SFSWAP: variants seen among roughly 807,000 people sequenced by gnomAD.
The protein encoded by SFSWAP is splicing factor, suppressor of white-apricot homolog.
A neutral mutation model predicts 100.7 loss-of-function variants in SFSWAP; 17 were observed. That is an observed-to-expected ratio of 0.17 (90% confidence interval 0.12 to 0.25). The LOEUF is 0.25. Among genes scored for constraint, SFSWAP ranks in the 10% least tolerant of loss-of-function variants. SFSWAP has a pLI of 1.00. For synonymous variants in SFSWAP, 504 were observed against 510.1 expected, an observed-to-expected ratio of 0.99 and a Z score of 0.16; for missense variants, 1,005 against 1,262.6, an observed-to-expected ratio of 0.80 and a Z score of 3.09.
chr12:131,755,287 G>A (rs2136226291), intron 9 of SFSWAP, 99 bp from the exon 10 acceptor site: 1 of 809,662 alleles, frequency 1.2e-6, no homozygotes, highest in Admixed American at 2.1e-5. Context: ...CACCTTGTGG[G>A]ATTGTTGAGA....
chr12:131,742,621 CT>C (rs1328569770), intron 7 of SFSWAP, among the ~76,000 whole-genome samples: 1 of 148,052 alleles, frequency 6.8e-6, no homozygotes, highest in Non-Finnish European at 1.5e-5. Context: ...CAAGTCTTCT[CT>C]TGTTGGGGGA....
chr12:131,759,673 C>T (rs1245674641), intron 11 of SFSWAP, among the ~76,000 whole-genome samples: 2 of 151,778 alleles, frequency 1.3e-5, no homozygotes, highest in Non-Finnish European at 1.5e-5. Context: ...TGGTGGCGGG[C>T]GCCTGTAGTC....
At chr12:131,774,769 T>C (rs980755406) in intron 13 of SFSWAP, among the ~76,000 whole-genome samples, 4 of 152,152 alleles carry the variant, frequency 2.6e-5, no homozygotes, top group Non-Finnish European at 5.9e-5. Flanking sequence ...TGAAGGATGA[T>C]CGTGTTGTTG....
chr12:131,797,297 A>G lies in SFSWAP; in HGVS notation c.2654A>G (p.His885Arg). ...CCCCGGCCCGCGGCCCCCGCGGCCC[A>G]CTCGGCGCACTCAGCCAGCGTCTCC... ...AAPRPAAPAA[H>R]SAHSASVSPV... is the part of the protein sequence containing the mutation. The change falls in exon 16 of 18, where the codon CAC (histidine) becomes CGC (arginine). Residue 885 changes from histidine (H) to arginine (R), a missense_variant. Physicochemically the swap from His to Arg is conservative, Grantham distance 29. This residue lies in a region of SFSWAP where 295 missense variants were observed against 347.9 expected (regional missense o/e 0.85). Coordinates refer to ENST00000261674, the MANE Select transcript of SFSWAP (RefSeq NM_004592.4). 1 of 1,611,220 alleles carries G rather than the reference A, an allele frequency of 6.2e-7. No individual in the cohort carries two copies.
At chr12:131,798,764 C>T (rs1885859992) in intron 16 of SFSWAP, among the ~76,000 whole-genome samples, 1 of 151,762 alleles carries the variant, frequency 6.6e-6, no homozygotes, top group African/African-American at 2.4e-5. Context: ...GTGGCACACG[C>T]CTGCAATCCC....
intron 7 of SFSWAP, among the ~76,000 whole-genome samples, chr12:131,742,333 A>G (rs549521549): frequency 1.3e-5 from 2 of 152,204 alleles, no homozygotes; most frequent in Admixed American, 1.3e-4. Context: ...GAAGTCTTCA[A>G]AACCTCAGTA....
In SFSWAP at chr12:131,795,721, G is replaced by A. The variant is rs140481005; in HGVS notation, c.2535-1457G>A. 1.0e-3 allele frequency among the ~76,000 whole-genome samples: 158 copies of A among 151,882 alleles called. 1 individual carries two copies. Among genetic ancestry groups the A allele is most frequent in the African/African-American group, 3.6e-3 (148 of 41,422 alleles). Reference sequence around the variant, plus strand: ...GGAGGCCAGGCTGGGAAGGGGCTTCGTGGCACGCAGAATCATAAGGGAGGC... The same window carrying A: ...GGAGGCCAGGCTGGGAAGGGGCTTCATGGCACGCAGAATCATAAGGGAGGC... On this transcript the variant is annotated intron_variant, in intron 15 of 17. Coordinates refer to ENST00000261674, the MANE Select transcript of SFSWAP (RefSeq NM_004592.4).
At position 131,719,451 on chromosome 12, in the gene SFSWAP, C is replaced by T; in HGVS notation, c.521-3C>T. The T allele has an allele frequency of 6.2e-7, 1 of 1,612,874 alleles. No homozygotes were observed. The highest frequency in any genetic ancestry group is 8.5e-7 in the Non-Finnish European group (1 of 1,179,002). On this transcript the variant is annotated splice_region_variant and splice_polypyrimidine_tract_variant and intron_variant, in intron 3 of 17. Coordinates refer to ENST00000261674, the MANE Select transcript of SFSWAP (RefSeq NM_004592.4). ...TGAATTTTTTAATTTTCTTTTTATG[C>T]AGAAAAAAATGAGGCCGAAAATTTA...
chr12:131,721,280 A>G (rs956694761), intron 4 of SFSWAP, among the ~76,000 whole-genome samples: 18 of 152,218 alleles, frequency 1.2e-4, no homozygotes, highest in African/African-American at 4.3e-4. Flanking sequence ...ACAGATCCAA[A>G]CTGATCCAAA....
intron 7 of SFSWAP, among the ~76,000 whole-genome samples, chr12:131,740,302 T>A (rs1880481969): frequency 1.3e-5 from 2 of 152,040 alleles, no homozygotes; most frequent in Admixed American, 1.3e-4. Context: ...GTCGCTTGCC[T>A]AGGATTCAGA....
At chr12:131,713,974 ATG>A in intron 1 of SFSWAP, 95 bp from the exon 2 acceptor site, 6 of 728,456 alleles carry the variant, frequency 8.2e-6, no homozygotes, top group Non-Finnish European at 1.1e-5. Context: ...ATCGGTAAGT[ATG>A]TGTGTGTATA....
In SFSWAP at chr12:131,799,712, T is replaced by G. The variant is rs577555667; in HGVS notation, c.*224T>G. ...TGTGAAAATGTATTATGAAATAAAA[T>G]GGGAGGAAACACCTTTTCTAGCTAG... On this transcript the variant is annotated 3_prime_UTR_variant, in exon 18 of 18. Coordinates refer to ENST00000261674, the MANE Select transcript of SFSWAP (RefSeq NM_004592.4). 32 of 550,474 alleles carry G rather than the reference T, an allele frequency of 5.8e-5. No individual in the cohort carries two copies. The East Asian group carries it at 9.5e-4, about 16-fold the overall frequency. 34.1% of individuals were successfully genotyped at this position (550,474 alleles called of 1,614,324 possible). A position where few individuals can be genotyped will look rare whatever the true frequency, so the allele number is the denominator to read the frequency against.
At chr12:131,752,787 C>T (rs1299037404) in intron 7 of SFSWAP, among the ~76,000 whole-genome samples, 2 of 152,220 alleles carry the variant, frequency 1.3e-5, no homozygotes, top group Admixed American at 6.5e-5. Flanking sequence ...TGACTGGTTG[C>T]CGCTAGAGAG....
intron 11 of SFSWAP, among the ~76,000 whole-genome samples, chr12:131,762,801 G>T (rs896520385): frequency 2.0e-5 from 3 of 152,118 alleles, no homozygotes; most frequent in African/African-American, 4.8e-5. Context: ...GGGTTTCACC[G>T]TGTTGGCCCT....
chr12:131,768,261 T>C (rs1883288662), intron 13 of SFSWAP, among the ~76,000 whole-genome samples: 1 of 152,242 alleles, frequency 6.6e-6, no homozygotes, highest in African/African-American at 2.4e-5. Context: ...GCCCCACGTG[T>C]CTTTTGTAGA....
chr12:131,769,873 G>A (rs750918257), intron 13 of SFSWAP, among the ~76,000 whole-genome samples: 14 of 152,070 alleles, frequency 9.2e-5, no homozygotes, highest in East Asian at 5.8e-4. Flanking sequence ...ATTTTTACAC[G>A]TACCCTCTCA....
intron 13 of SFSWAP, among the ~76,000 whole-genome samples, chr12:131,767,996 A>G (rs980661229): frequency 6.6e-6 from 1 of 152,260 alleles, no homozygotes; most frequent in African/African-American, 2.4e-5. Flanking sequence ...AAAAAATTGG[A>G]AAGAATGGGA....
At chr12:131,752,051 A>G (rs1346236462) in intron 7 of SFSWAP, among the ~76,000 whole-genome samples, 1 of 152,240 alleles carries the variant, frequency 6.6e-6, no homozygotes, top group Admixed American at 6.5e-5. Context: ...GAATATGCCT[A>G]CAGCACATAG....
chr12:131,785,515 G>GT (rs1211194394), intron 14 of SFSWAP: 53 of 297,876 alleles, frequency 1.8e-4, no homozygotes, highest in South Asian at 3.8e-4. Flanking sequence ...AATAAATGGT[G>GT]TTTTTTTTCC....
Sources: allele counts gnomAD v4.1 joint callset (sites outside exome capture counted in the v4.1 genomes callset), GRCh38; gene constraint gnomAD v4.1.1; regional missense constraint gnomAD v4.1.1; transcripts MANE v1.5; gene names NCBI Gene and HGNC (gene_info 2026-07-23, HGNC 2026-07-21).